ESR2: variants seen among roughly 807,000 people sequenced by gnomAD.
ESR2 encodes estrogen receptor 2, also known as estrogen receptor beta.
Under a neutral mutation model 49.6 loss-of-function variants are expected in ESR2, and 36 were observed. The ratio of observed to expected loss-of-function variants is 0.73; its 90% CI spans 0.56 to 0.96. ESR2 has a LOEUF of 0.96. Among genes scored for constraint, ESR2 ranks in the 40% least tolerant of loss-of-function variants. ESR2 has a pLI of 0.00. For missense variants in ESR2, 714 were observed against 693.0 expected (o/e 1.03, Z -0.34); for synonymous variants, 320 against 266.1 (o/e 1.20, Z -1.97).
chr14:64,321,270 C>T (rs1046554667), intron 1 of ESR2, among the ~76,000 whole-genome samples: 1 of 151,256 alleles, frequency 6.6e-6, no homozygotes, highest in Non-Finnish European at 1.5e-5. Flanking sequence ...TGGTGGTTGC[C>T]CGGCACTAGT....
intron 1 of ESR2, among the ~76,000 whole-genome samples, chr14:64,331,842 A>G (rs2987976): frequency 0.077 from 11,198 of 145,962 alleles, 500 homozygotes; most frequent in Non-Finnish European, 0.097. Context: ...AAAAAAAAAA[A>G]AAGAATCCTT....
chr14:64,274,266 A>G lies in ESR2; in HGVS notation c.536-5355T>C, dbSNP rs565318997. Among the ~76,000 whole-genome samples, 167 of 152,188 alleles carry G rather than the reference A, an allele frequency of 1.1e-3. 3 individuals carry two copies. In the South Asian group the frequency reaches 0.034, roughly 31 times the overall value. ...CCCAGCTTGCTGGGAGGCTTTTTATAACAGCTTCAATCTTGTTACTTGTTA... is the reference window on the plus strand; with the variant it reads ...CCCAGCTTGCTGGGAGGCTTTTTATGACAGCTTCAATCTTGTTACTTGTTA... On this transcript the variant is annotated intron_variant, in intron 3 of 8. Coordinates refer to ENST00000341099, the MANE Select transcript of ESR2 (RefSeq NM_001437.3).
At chr14:64,307,200 AATTT>A (rs755253492) in intron 1 of ESR2, among the ~76,000 whole-genome samples, 20 of 150,750 alleles carry the variant, frequency 1.3e-4, no homozygotes, top group East Asian at 3.9e-4. Flanking sequence ...AATTTAATTT[AATTT>A]ATTTATTTAT....
In ESR2 at chr14:64,232,354, G is replaced by T. The variant is rs1035815516; in HGVS notation, c.*783C>A. On this transcript the variant is annotated 3_prime_UTR_variant, in exon 9 of 9. Transcript: ENST00000341099. ...AACACGGCCTTTCTCCAGCACCCACGCTGGCCCCATGGGACAACAGGTTTA... is the reference window on the plus strand; with the variant it reads ...AACACGGCCTTTCTCCAGCACCCACTCTGGCCCCATGGGACAACAGGTTTA... 6.6e-6 allele frequency: 1 copy of T among 152,302 alleles called. No individual in the cohort carries two copies. The highest frequency in any genetic ancestry group is 1.5e-5 in the Non-Finnish European group (1 of 68,070). The allele number at this position is 152,302 out of a possible 1,614,324, so 9.4% of individuals were successfully genotyped here.
chr14:64,283,201 C>T (rs888351165), intron 1 of ESR2, 126 bp from the exon 2 acceptor site: 3 of 415,896 alleles, frequency 7.2e-6, no homozygotes, highest in Non-Finnish European at 1.3e-5. Flanking sequence ...GAAAAATATA[C>T]ATGAAAATAT....
At chr14:64,318,147 C>G (rs2077280126) in intron 1 of ESR2, among the ~76,000 whole-genome samples, 1 of 152,118 alleles carries the variant, frequency 6.6e-6, no homozygotes, top group Admixed American at 6.5e-5. Context: ...ACAATTACAG[C>G]AAGGTTGCAA....
intron 6 of ESR2, among the ~76,000 whole-genome samples, chr14:64,253,200 A>AT (rs765198400): frequency 3.3e-5 from 5 of 150,670 alleles, no homozygotes; most frequent in Admixed American, 6.6e-5. Flanking sequence ...TTTATTTTTT[A>AT]TTTTTTTTAA....
chr14:64,269,010 T>C (rs1312456682), intron 3 of ESR2, 99 bp from the exon 4 acceptor site: 3 of 741,736 alleles, frequency 4.0e-6, no homozygotes, highest in Non-Finnish European at 7.0e-6. Context: ...AGCTGAGAGA[T>C]AGGGGACATC....
intron 3 of ESR2, among the ~76,000 whole-genome samples, chr14:64,278,089 T>C (rs192072807): frequency 1.6e-4 from 24 of 152,318 alleles, no homozygotes; most frequent in Admixed American, 1.4e-3. Context: ...AGTCATCGTA[T>C]CAAGAATTCA....
intron 4 of ESR2, among the ~76,000 whole-genome samples, chr14:64,262,110 CTT>C (rs869146485): frequency 9.3e-4 from 126 of 136,080 alleles, no homozygotes; most frequent in Non-Finnish European, 6.5e-4. Context: ...TTTGGATTTA[CTT>C]TTTTTTTTTT....
intron 3 of ESR2, among the ~76,000 whole-genome samples, chr14:64,273,192 G>T (rs1323835189): frequency 6.6e-6 from 1 of 151,868 alleles, no homozygotes; most frequent in Non-Finnish European, 1.5e-5. Context: ...CAACTTTACT[G>T]AATTTATTAG....
intron 7 of ESR2, among the ~76,000 whole-genome samples, chr14:64,240,162 C>T (rs1298560452): frequency 6.6e-6 from 1 of 152,204 alleles, no homozygotes; most frequent in Admixed American, 6.5e-5. Flanking sequence ...GGCCAGCTAG[C>T]GTGCTGTACC....
chr14:64,332,858 C>G (rs1295259072), intron 1 of ESR2, among the ~76,000 whole-genome samples: 1 of 148,962 alleles, frequency 6.7e-6, no homozygotes, highest in African/African-American at 2.5e-5. Context: ...ACACATTGAC[C>G]AGATAATCAC....
chr14:64,246,422 T>A (rs2075857093), intron 7 of ESR2, among the ~76,000 whole-genome samples: 1 of 152,074 alleles, frequency 6.6e-6, no homozygotes, highest in Non-Finnish European at 1.5e-5. Flanking sequence ...TCCTCTTCAC[T>A]TTCCGCCATT....
chr14:64,306,244 T>G (rs1437427562), intron 1 of ESR2, among the ~76,000 whole-genome samples: 2 of 151,742 alleles, frequency 1.3e-5, no homozygotes, highest in African/African-American at 4.8e-5. Context: ...AGAAAAAGAA[T>G]ACTACATTGT....
intron 7 of ESR2, among the ~76,000 whole-genome samples, chr14:64,236,416 A>C (rs1387050363): frequency 6.6e-6 from 1 of 151,928 alleles, no homozygotes; most frequent in East Asian, 1.9e-4. Flanking sequence ...ACCGCAGGGG[A>C]AACAAGACCC....
chr14:64,259,983 C>T (rs2076178184), intron 5 of ESR2, among the ~76,000 whole-genome samples: 1 of 152,072 alleles, frequency 6.6e-6, no homozygotes, highest in African/African-American at 2.4e-5. Flanking sequence ...GGATTCTTGC[C>T]CAAATGACCC....
downstream of ESR2, chr14:64,227,489 T>C: frequency 6.2e-7 from 1 of 1,603,222 alleles, no homozygotes; most frequent in South Asian, 1.1e-5. Flanking sequence ...GAAGTGAAAA[T>C]GTTACCCAAG....
At chr14:64,330,137 G>C (rs1222668651) in intron 1 of ESR2, 1 of 146,176 alleles carries the variant, frequency 6.8e-6, no homozygotes, top group Non-Finnish European at 1.5e-5. Flanking sequence ...AAGAAAGAAA[G>C]AAAGAAATTA....
Sources: gnomAD v4.1 joint callset for allele counts (sites outside exome capture counted in the v4.1 genomes callset) on GRCh38, gnomAD v4.1.1 for gene constraint, MANE v1.5 for transcripts, NCBI Gene and HGNC (gene_info 2026-07-23, HGNC 2026-07-21) for gene names.